The following ANGPTL3 variants were observed in gnomAD, a reference collection of about 807,000 sequenced individuals.
The protein encoded by ANGPTL3 is angiopoietin like 3.
ANGPTL3 carries 51 observed loss-of-function variants against 52.7 expected under a neutral mutation model. That is an observed-to-expected ratio of 0.97 (90% CI 0.77 to 1.22). The LOEUF (loss-of-function observed/expected upper bound fraction) is 1.22, where lower values mean the gene tolerates loss of function less well. ANGPTL3 is among the 50% of genes most tolerant of loss of function. The pLI, the probability that ANGPTL3 is intolerant of heterozygous loss-of-function variation, is 0.00. For missense variants in ANGPTL3, 506 were observed against 520.7 expected (o/e 0.97, Z 0.27); for synonymous variants, 185 against 179.8 (o/e 1.03, Z -0.23).
chr1:62,598,162 T>C (rs761688691), intron 1 of ANGPTL3, 101 bp downstream of exon 1: 28 of 1,090,110 alleles, frequency 2.6e-5, no homozygotes, highest in Middle Eastern at 3.4e-4. Flanking sequence ...TGTTGCATTG[T>C]TGAAATACTT....
intron 3 of ANGPTL3, among the ~76,000 whole-genome samples, chr1:62,601,503 G>A (rs1246139993): frequency 6.6e-6 from 1 of 151,516 alleles, no homozygotes; most frequent in Admixed American, 6.6e-5. Context: ...AAATATTTAC[G>A]GAGTTAAAGG....
rs749549638 is a variant in ANGPTL3, at chr1:62,601,072, C to G, written c.607-10C>G. ...TCATTTTAAAAAACAGATTTATATT[C>G]TTTTATCAGCTCAGAAGGACTAGTA... On this transcript the variant is annotated splice_polypyrimidine_tract_variant and intron_variant, in intron 2 of 6. Coordinates refer to ENST00000371129, the MANE Select transcript of ANGPTL3 (RefSeq NM_014495.4). 2.0e-6 allele frequency: 3 copies of G among 1,484,480 alleles called. No homozygotes were observed. The highest frequency in any genetic ancestry group is 2.8e-6 in the Non-Finnish European group (3 of 1,063,070). 92.0% of individuals were successfully genotyped at this position (1,484,480 alleles called of 1,614,324 possible). A position where few individuals can be genotyped will look rare whatever the true frequency, so the allele number is the denominator to read the frequency against.
chr1:62,602,308 C>T lies in ANGPTL3; in HGVS notation c.859C>T (p.His287Tyr). The T allele has an allele frequency of 1.9e-6, 3 of 1,610,354 alleles. No individual in the cohort carries two copies. Among genetic ancestry groups the T allele is most frequent in the Non-Finnish European group, 2.5e-6 (3 of 1,177,372 alleles). The change falls in exon 5 of 7, where the codon CAT becomes TAT. Residue 287 changes from histidine (H) to tyrosine (Y), a missense_variant. Physicochemically the swap from His to Tyr is moderately conservative, Grantham distance 83 (BLOSUM62 2). Transcript: ENST00000371129. ...AGGTAGTCCATGGACATTAATTCAA[C>T]ATCGAATAGATGGATCACAAAACTT... ...ISGSPWTLIQ[H>Y]RIDGSQNFNE...
chr1:62,602,490 T>C, intron 5 of ANGPTL3, 110 bp downstream of exon 5: 2 of 875,204 alleles, frequency 2.3e-6, no homozygotes, highest in Non-Finnish European at 1.9e-6. Context: ...AGAAGCAGTC[T>C]CAGCCTTCAT....
intron 1 of ANGPTL3, 28 bp downstream of exon 1, chr1:62,598,089 T>C (rs753630997): frequency 6.5e-7 from 1 of 1,543,580 alleles, no homozygotes; most frequent in Non-Finnish European, 8.7e-7. Flanking sequence ...AGGGTTCATG[T>C]TTATGTTTTC....
chr1:62,601,772 T>C lies in ANGPTL3; in HGVS notation c.725T>C (p.Ile242Thr), dbSNP rs2149535595. Residue 242 changes from isoleucine (I) to threonine (T), a missense_variant, in exon 4 of 7, where the codon ATT becomes ACT. Physicochemically the swap from Ile to Thr is moderately conservative, Grantham distance 89. Coordinates refer to ENST00000371129, the MANE Select transcript of ANGPTL3 (RefSeq NM_014495.4). ...AATAACATTTTATTGATTCTAGGCA[T>C]TCCTGCTGAATGTACCACCATTTAT... Reference protein sequence around the residue: ...NEIRNVKHDGIPAECTTIYNR... With the variant: ...NEIRNVKHDGTPAECTTIYNR... 1.2e-6 allele frequency: 2 copies of C among 1,601,594 alleles called. No individual in the cohort carries two copies. The highest frequency in any genetic ancestry group is 1.7e-4 in the Middle Eastern group (1 of 6,020).
rs1364780951 is a variant in ANGPTL3 at position 62,597,637 on chromosome 1, C to T, written c.71C>T (p.Ser24Leu). The T allele has an allele frequency of 6.2e-7, 1 of 1,613,222 alleles. No individual in the cohort carries two copies. Among genetic ancestry groups the T allele is most frequent in the Non-Finnish European group, 8.5e-7 (1 of 1,179,482 alleles). ...VISSRIDQDNSSFDSLSPEPK... is the reference protein window; with the variant it reads ...VISSRIDQDNLSFDSLSPEPK... Reference sequence around the variant, plus strand: ...TCCTCCAGAATTGATCAAGACAATTCATCATTTGATTCTCTATCTCCAGAG... The same window carrying T: ...TCCTCCAGAATTGATCAAGACAATTTATCATTTGATTCTCTATCTCCAGAG... Residue 24 changes from serine (S) to leucine (L), a missense_variant, in exon 1 of 7, where the codon TCA (serine) becomes TTA (leucine). Physicochemically the swap from Ser to Leu is moderately radical, Grantham distance 145. Transcript: ENST00000371129.
chr1:62,603,928 G>A (rs1650530647), intron 5 of ANGPTL3, 41 bp from the exon 6 acceptor site: 7 of 1,598,350 alleles, frequency 4.4e-6, no homozygotes, highest in African/African-American at 4.0e-5. Flanking sequence ...TGTCCAACCT[G>A]TACTTAATAA....
chr1:62,601,991 T>C (rs1650198488), intron 4 of ANGPTL3, 109 bp downstream of exon 4: 1 of 667,464 alleles, frequency 1.5e-6, no homozygotes, highest in East Asian at 2.8e-5. Flanking sequence ...ATGAAATATA[T>C]ATGAGTATTC....
rs1650258769 is a variant in ANGPTL3, at chr1:62,602,310, T to A, written c.861T>A (p.His287Gln). Residue 287 changes from histidine to glutamine, a missense_variant, in exon 5 of 7, where the codon CAT becomes CAA. Physicochemically the swap from His to Gln is conservative, Grantham distance 24. Coordinates refer to ENST00000371129, the MANE Select transcript of ANGPTL3 (RefSeq NM_014495.4). Reference sequence around the variant, plus strand: ...GTAGTCCATGGACATTAATTCAACATCGAATAGATGGATCACAAAACTTCA... The same window carrying A: ...GTAGTCCATGGACATTAATTCAACAACGAATAGATGGATCACAAAACTTCA... ...ISGSPWTLIQ[H>Q]RIDGSQNFNE... is the part of the protein sequence containing the mutation. 1 of 1,610,502 alleles carries A rather than the reference T, an allele frequency of 6.2e-7. No homozygotes were observed. The highest frequency in any genetic ancestry group is 1.3e-5 in the African/African-American group (1 of 74,784).
rs1334979946 is a variant in ANGPTL3 at position 62,604,068 on chromosome 1, A to C, written c.1031A>C (p.Tyr344Ser). ...ELEDWKDNKHYIEYSFYLGNH... is the reference protein window; with the variant it reads ...ELEDWKDNKHSIEYSFYLGNH... ...GAAGACTGGAAAGACAACAAACATT[A>C]TATTGAATATTCTTTTTACTTGGGA... Residue 344 changes from tyrosine (Y) to serine (S), a missense_variant, in exon 6 of 7, where the codon TAT becomes TCT. Tyr to Ser is a moderately radical substitution (Grantham distance 144, BLOSUM62 -2). Coordinates refer to ENST00000371129, the MANE Select transcript of ANGPTL3 (RefSeq NM_014495.4). 6.2e-7 allele frequency: 1 copy of C among 1,613,304 alleles called. No homozygotes were observed. The highest frequency in any genetic ancestry group is 8.5e-7 in the Non-Finnish European group (1 of 1,179,408).
At chr1:62,604,386 T>G (rs1034199747) in intron 6 of ANGPTL3, 151 bp downstream of exon 6, 17 of 1,007,718 alleles carry the variant, frequency 1.7e-5, no homozygotes, top group African/African-American at 6.5e-5. Context: ...ATAATGAAAG[T>G]GTTCATTCTA....
At chr1:62,604,431 G>T in intron 6 of ANGPTL3, 196 bp downstream of exon 6, 2 of 890,768 alleles carry the variant, frequency 2.2e-6, no homozygotes, top group South Asian at 3.6e-5. Flanking sequence ...ATCTTCCTCA[G>T]ATTTTCTATT....
intron 1 of ANGPTL3, 73 bp from the exon 2 acceptor site, chr1:62,598,623 T>C (rs1649641067): frequency 4.9e-6 from 4 of 810,780 alleles, no homozygotes; most frequent in East Asian, 2.5e-5. Flanking sequence ...ATTTAGATTA[T>C]GATAGTGTTA....
intron 3 of ANGPTL3, 35 bp from the exon 4 acceptor site, chr1:62,601,733 AC>A: frequency 7.3e-7 from 1 of 1,363,016 alleles, no homozygotes; most frequent in South Asian, 1.2e-5. Flanking sequence ...TATTCCTATT[AC>A]TAAATCTGAT....
chr1:62,599,923 C>T (rs1449753684), intron 2 of ANGPTL3, among the ~76,000 whole-genome samples: 1 of 151,906 alleles, frequency 6.6e-6, no homozygotes, highest in Non-Finnish European at 1.5e-5. Flanking sequence ...TCTCAAACAG[C>T]TATTCAAGAG....
intron 5 of ANGPTL3, among the ~76,000 whole-genome samples, chr1:62,603,540 A>G (rs1468819901): frequency 6.6e-6 from 1 of 151,840 alleles, no homozygotes. Context: ...CATTTGAAGA[A>G]AGTGACATTA....
At chr1:62,598,229 T>C (rs1649582163) in intron 1 of ANGPTL3, among the ~76,000 whole-genome samples, 168 bp downstream of exon 1, 1 of 152,066 alleles carries the variant, frequency 6.6e-6, no homozygotes, top group Non-Finnish European at 1.5e-5. Context: ...AATTTCAAGT[T>C]AGTTTTTTGT....
chr1:62,601,876 A>T lies in ANGPTL3; in HGVS notation c.829A>T (p.Ile277Leu), dbSNP rs985004442. 1.2e-6 allele frequency: 2 copies of T among 1,601,910 alleles called. No homozygotes were observed. Among genetic ancestry groups the T allele is most frequent in the South Asian group, 2.2e-5 (2 of 90,818 alleles). ...AGTTTTTCATGTCTACTGTGATGTT[A>T]TATCAGGTAAAACCTGTCTAAGGAG... The part of the protein sequence containing the change: ...SQVFHVYCDV[I>L]SGSPWTLIQH... The change falls in exon 4 of 7, where the codon ATA becomes TTA. Residue 277 changes from isoleucine to leucine, a missense_variant. By Grantham distance (5) the Ile-to-Leu change is conservative (BLOSUM62 2). Coordinates refer to ENST00000371129, the MANE Select transcript of ANGPTL3 (RefSeq NM_014495.4).
Sources: allele counts gnomAD v4.1 joint callset (sites outside exome capture counted in the v4.1 genomes callset), GRCh38; gene constraint gnomAD v4.1.1; transcripts MANE v1.5; gene names NCBI Gene and HGNC (gene_info 2026-07-23, HGNC 2026-07-21).